The following EEFSEC variants were observed in gnomAD, a reference collection of about 807,000 sequenced individuals.
EEFSEC encodes selenocysteine-specific elongation factor.
A neutral mutation model predicts 42.1 loss-of-function variants in EEFSEC; 43 were observed. That is an observed-to-expected ratio of 1.02 (90% CI 0.80 to 1.32). The LOEUF is 1.32. Among genes scored for constraint, EEFSEC ranks in the 40% most tolerant of loss-of-function variants. The pLI is 0.00. For synonymous variants in EEFSEC, 354 were observed against 339.1 expected (o/e 1.04, Z -0.48); for missense variants, 745 against 803.6 (o/e 0.93, Z 0.88).
At chr3:128,258,538 C>A (rs1415694407) in intron 2 of EEFSEC, among the ~76,000 whole-genome samples, 1 of 152,198 alleles carries the variant, frequency 6.6e-6, no homozygotes, top group South Asian at 2.1e-4. Flanking sequence ...AAGCATCTAG[C>A]CAGGTGCTGT....
At chr3:128,273,146 A>G (rs898199880) in intron 4 of EEFSEC, among the ~76,000 whole-genome samples, 1 of 152,168 alleles carries the variant, frequency 6.6e-6, no homozygotes, top group African/African-American at 2.4e-5. Flanking sequence ...TACTTGGCCC[A>G]TGGAGTGCAG....
At chr3:128,197,333 C>T (rs901109007) in intron 1 of EEFSEC, among the ~76,000 whole-genome samples, 3 of 152,072 alleles carry the variant, frequency 2.0e-5, no homozygotes, top group African/African-American at 2.4e-5. Context: ...TGCAGTGGTG[C>T]GATCTCGGCT....
chr3:128,334,832 G>C (rs2067172305), intron 4 of EEFSEC, among the ~76,000 whole-genome samples: 1 of 152,216 alleles, frequency 6.6e-6, no homozygotes, highest in Non-Finnish European at 1.5e-5. Context: ...AGGCTCAGGG[G>C]ACGGACCTCC....
At chr3:128,232,601 A>T (rs540497369) in intron 1 of EEFSEC, among the ~76,000 whole-genome samples, 5 of 152,222 alleles carry the variant, frequency 3.3e-5, no homozygotes, top group Non-Finnish European at 7.3e-5. Flanking sequence ...GAGAACAGAA[A>T]CTGTACATTT....
At chr3:128,386,626 A>G (rs945303780) in intron 6 of EEFSEC, among the ~76,000 whole-genome samples, 1 of 152,202 alleles carries the variant, frequency 6.6e-6, no homozygotes, top group African/African-American at 2.4e-5. Context: ...ATTTAAAATA[A>G]AATTTTAAAA....
At chr3:128,169,130 G>A (rs1473387745) in intron 1 of EEFSEC, among the ~76,000 whole-genome samples, 1 of 152,228 alleles carries the variant, frequency 6.6e-6, no homozygotes, top group East Asian at 1.9e-4. Context: ...GGACAAGACA[G>A]GATGCCCAGA....
chr3:128,175,077 CCTT>C (rs2065334884), intron 1 of EEFSEC, among the ~76,000 whole-genome samples: 1 of 151,902 alleles, frequency 6.6e-6, no homozygotes, highest in African/African-American at 2.4e-5. Context: ...CTTTTTCTCT[CCTT>C]CTCTTCCTCC....
intron 5 of EEFSEC, among the ~76,000 whole-genome samples, chr3:128,348,656 A>G (rs149433288): frequency 9.9e-5 from 15 of 152,256 alleles, no homozygotes; most frequent in African/African-American, 3.4e-4. Flanking sequence ...TTTCTTTAGG[A>G]TACTATATAA....
intron 4 of EEFSEC, among the ~76,000 whole-genome samples, chr3:128,282,101 A>G (rs1310735320): frequency 1.3e-5 from 2 of 152,246 alleles, no homozygotes; most frequent in African/African-American, 2.4e-5. Context: ...ACCAGGGCCC[A>G]GAGGAGGGGC....
intron 4 of EEFSEC, among the ~76,000 whole-genome samples, chr3:128,277,711 C>T (rs1320170141): frequency 6.6e-6 from 1 of 152,232 alleles, no homozygotes; most frequent in African/African-American, 2.4e-5. Flanking sequence ...ACCTGCTGGA[C>T]TTACTGCCTG....
chr3:128,162,773 C>T (rs1376124507), intron 1 of EEFSEC, among the ~76,000 whole-genome samples: 3 of 152,022 alleles, frequency 2.0e-5, no homozygotes, highest in African/African-American at 7.3e-5. Context: ...TGTAGTCGTG[C>T]TAGGAATAGA....
intron 4 of EEFSEC, among the ~76,000 whole-genome samples, chr3:128,322,087 G>A (rs2108039823): frequency 6.6e-6 from 1 of 152,348 alleles, no homozygotes; most frequent in East Asian, 1.9e-4. Flanking sequence ...TCCCCAGGCT[G>A]GTACCCCTCT....
At chr3:128,305,697 A>T (rs923774770) in intron 4 of EEFSEC, among the ~76,000 whole-genome samples, 2 of 152,118 alleles carry the variant, frequency 1.3e-5, no homozygotes, top group African/African-American at 4.8e-5. Flanking sequence ...AAAATTTCTA[A>T]CTTTGTGTAT....
At chr3:128,159,170 A>G (rs995539359) in intron 1 of EEFSEC, among the ~76,000 whole-genome samples, 7 of 152,238 alleles carry the variant, frequency 4.6e-5, no homozygotes, top group African/African-American at 1.7e-4. Flanking sequence ...GCCTGTTGCC[A>G]GGAACTTGCA....
chr3:128,208,342 C>A (rs138357394), intron 1 of EEFSEC, among the ~76,000 whole-genome samples: 3 of 152,156 alleles, frequency 2.0e-5, no homozygotes, highest in Non-Finnish European at 4.4e-5. Flanking sequence ...CCCTTCTGTC[C>A]GTGATGTCAT....
chr3:128,258,355 A>G (rs990676913), intron 2 of EEFSEC, among the ~76,000 whole-genome samples: 3 of 152,206 alleles, frequency 2.0e-5, no homozygotes, highest in Admixed American at 2.0e-4. Context: ...GCTCTGGAAT[A>G]GGGCTTTTGG....
At chr3:128,347,064 G>A in intron 5 of EEFSEC, among the ~76,000 whole-genome samples, 1 of 152,180 alleles carries the variant, frequency 6.6e-6, no homozygotes, top group East Asian at 1.9e-4. Context: ...ATAATTATCT[G>A]CAGCTGAAAG....
intron 6 of EEFSEC, among the ~76,000 whole-genome samples, chr3:128,392,124 C>T (rs1402583042): frequency 2.0e-5 from 3 of 152,224 alleles, no homozygotes; most frequent in South Asian, 2.1e-4. Flanking sequence ...TCTTAACAGC[C>T]TGCTGGCAGC....
chr3:128,401,120 C>A (rs2068043708), intron 6 of EEFSEC, among the ~76,000 whole-genome samples: 1 of 152,140 alleles, frequency 6.6e-6, no homozygotes, highest in African/African-American at 2.4e-5. Flanking sequence ...GCCCACCCTG[C>A]CAGGTAGAGA....
Sources: gnomAD v4.1 joint callset for allele counts (sites outside exome capture counted in the v4.1 genomes callset) on GRCh38, gnomAD v4.1.1 for gene constraint, MANE v1.5 for transcripts, NCBI Gene and HGNC (gene_info 2026-07-23, HGNC 2026-07-21) for gene names.